The following MAPK8IP2 variants were observed in gnomAD, a reference collection of about 807,000 sequenced individuals.
MAPK8IP2 encodes C-Jun-amino-terminal kinase-interacting protein 2.
Under a neutral mutation model 75.6 loss-of-function variants are expected in MAPK8IP2, and 15 were observed. The ratio of observed to expected loss-of-function variants is 0.20; its 90% CI spans 0.13 to 0.31. MAPK8IP2 has a LOEUF of 0.31. Among genes scored for constraint, MAPK8IP2 ranks in the 10% least tolerant of loss-of-function variants. MAPK8IP2 has a pLI of 1.00. For synonymous variants in MAPK8IP2, 632 were observed against 554.5 expected, an observed-to-expected ratio of 1.14 and a Z score of -1.96; for missense variants, 1,089 against 1,211.2, an observed-to-expected ratio of 0.90 and a Z score of 1.50.
At position 50,605,991 on chromosome 22, in the gene MAPK8IP2, C is replaced by T. The variant is rs1188112605; in HGVS notation, c.2124+57C>T. 8 of 1,358,068 alleles carry T rather than the reference C, an allele frequency of 5.9e-6. No homozygotes were observed. In the Admixed American group the frequency reaches 1.4e-4, roughly 24 times the overall value. The allele number at this position is 1,358,068 out of a possible 1,614,324, so 84.1% of individuals were successfully genotyped here. A position where few individuals can be genotyped will look rare whatever the true frequency, so the allele number is the denominator to read the frequency against. ...AGGGTCCGCTTGGCGGCCACACCAG[C>T]ACTGCAGGCTGGCACAGGGCTTGAG... On this transcript the variant is annotated intron_variant, in intron 8 of 11. Coordinates refer to ENST00000329492, the MANE Select transcript of MAPK8IP2 (RefSeq NM_012324.6).
chr22:50,605,501 C>G (rs556062721), intron 6 of MAPK8IP2, 58 bp downstream of exon 6: 6 of 1,607,584 alleles, frequency 3.7e-6, no homozygotes, highest in Middle Eastern at 1.7e-4. Flanking sequence ...CATCACGGAA[C>G]GCCAGTGGAC....
In MAPK8IP2 at chr22:50,612,858, C is replaced by CCCTG. The variant is rs2071169768; in HGVS notation, c.*2081_*2082insTGCC. ...TTCTCCAAGCCCTGCCCTCCGGCGCCCCCGTCCCGCCCCTGCCCGGCCTGG... is the reference window on the plus strand; with the variant it reads ...TTCTCCAAGCCCTGCCCTCCGGCGCCCCTGCCCGTCCCGCCCCTGCCCGGCCTGG... On this transcript the variant is annotated 3_prime_UTR_variant, in exon 12 of 12. Coordinates refer to ENST00000329492, the MANE Select transcript of MAPK8IP2 (RefSeq NM_012324.6). The CCCTG allele has an allele frequency of 2.0e-5, 3 of 153,464 alleles. No homozygotes were observed. The highest frequency in any genetic ancestry group is 1.9e-4 in the East Asian group (1 of 5,172). The allele number at this position is 153,464 out of a possible 1,614,324, so 9.5% of individuals were successfully genotyped here.
In MAPK8IP2 at chr22:50,610,936, C is replaced by G. The variant is rs1195862122; in HGVS notation, c.*157C>G. The G allele has an allele frequency of 1.9e-5, 12 of 617,150 alleles. No homozygotes were observed. The highest frequency in any genetic ancestry group is 3.3e-5 in the Non-Finnish European group (12 of 358,416). The allele number at this position is 617,150 out of a possible 1,614,324, so 38.2% of individuals were successfully genotyped here. A position where few individuals can be genotyped will look rare whatever the true frequency, so the allele number is the denominator to read the frequency against. Reference sequence around the variant, plus strand: ...CGGGCTGGGAACTCTCGTCCTCGGTCCCCAGGGCGCAGCTGTTGGGGCTGC... The same window carrying G: ...CGGGCTGGGAACTCTCGTCCTCGGTGCCCAGGGCGCAGCTGTTGGGGCTGC... On this transcript the variant is annotated 3_prime_UTR_variant, in exon 12 of 12. Transcript: ENST00000329492. The surrounding 1 kb of genome is among the most constrained non-coding windows in gnomAD (Gnocchi z 4.3).
intron 10 of MAPK8IP2, among the ~76,000 whole-genome samples, chr22:50,608,041 C>G (rs1236658637): frequency 6.6e-6 from 1 of 152,126 alleles, no homozygotes; most frequent in Admixed American, 6.5e-5. Flanking sequence ...TTGGAGGAAG[C>G]AGGCTCACAG....
chr22:50,609,727 G>T (rs748569582), intron 10 of MAPK8IP2: 3 of 512,184 alleles, frequency 5.9e-6, no homozygotes, highest in South Asian at 4.3e-5. Flanking sequence ...GGCCCCGCAA[G>T]GAGCTGCTTT....
At position 50,600,793 on chromosome 22, in the gene MAPK8IP2, G is replaced by A; in HGVS notation, c.-26G>A. The A allele has an allele frequency of 1.7e-6, 2 of 1,200,722 alleles. No homozygotes were observed. The highest frequency in any genetic ancestry group is 2.1e-6 in the Non-Finnish European group (2 of 936,718). 74.4% of individuals were successfully genotyped at this position (1,200,722 alleles called of 1,614,324 possible). ...CGGCGAGGCTCCCGCACCCCCCGCCGCAGTCGCGGGCCTCTCCCGGAGAAG... is the reference window on the plus strand; with the variant it reads ...CGGCGAGGCTCCCGCACCCCCCGCCACAGTCGCGGGCCTCTCCCGGAGAAG... On this transcript the variant is annotated 5_prime_UTR_variant, in exon 1 of 12. Transcript: ENST00000329492.
chr22:50,602,150 G>T (rs781245435), intron 2 of MAPK8IP2, among the ~76,000 whole-genome samples: 14 of 152,164 alleles, frequency 9.2e-5, no homozygotes, highest in Non-Finnish European at 1.6e-4. Context: ...GGGCAGGGAG[G>T]TGCTCCTTTG....
intron 2 of MAPK8IP2, 177 bp from the exon 3 acceptor site, chr22:50,603,046 G>A (rs962033627): frequency 1.5e-6 from 2 of 1,363,612 alleles, no homozygotes; most frequent in Non-Finnish European, 2.0e-6. Context: ...GAACTGGAGT[G>A]ATCCCAATGT....
Position 50,604,965 on chromosome 22 carries a change from G to T in MAPK8IP2, c.1666G>T (p.Gly556Cys), listed in dbSNP as rs1003150499. Residue 556 changes from glycine (G) to cysteine (C), a missense_variant, in exon 5 of 12, where the codon GGC (glycine) becomes TGC (cysteine). This residue lies in a region of MAPK8IP2 where 960 missense variants were observed against 1,009.6 expected (regional missense o/e 0.95). Transcript: ENST00000329492. ...GGAGGCGGGCGCGGCGCTGCTAGGC[G>T]GCGGTCAGGTCTCGGGGGACACCTC... ...EEEAGAALLG[G>C]GQVSGDTSPD... The T allele has an allele frequency of 4.3e-6, 7 of 1,612,084 alleles. No homozygotes were observed. Among genetic ancestry groups the T allele is most frequent in the African/African-American group, 2.7e-5 (2 of 74,920 alleles).
In MAPK8IP2 at chr22:50,604,402, G is replaced by C; in HGVS notation, c.1103G>C (p.Cys368Ser). The change falls in exon 5 of 12, where the codon TGC (cysteine) becomes TCC (serine). Residue 368 changes from cysteine (C) to serine (S), a missense_variant. Cys to Ser is a moderately radical substitution (Grantham distance 112). Around this residue, in one of 2 missense-constraint regions of MAPK8IP2, gnomAD observed 960 missense variants for 1,009.6 expected, o/e 0.95. Coordinates refer to ENST00000329492, the MANE Select transcript of MAPK8IP2 (RefSeq NM_012324.6). ...TCCGAGGGCTCCTCGCCCATCCGCT[G>C]CCCCGGCCAGTGCCTGTCTCCTGCG... Reference protein sequence around the residue: ...MISEGSSPIRCPGQCLSPAPR... With the variant: ...MISEGSSPIRSPGQCLSPAPR... 6.6e-7 allele frequency: 1 copy of C among 1,517,800 alleles called. No homozygotes were observed. The highest frequency in any genetic ancestry group is 8.8e-7 in the Non-Finnish European group (1 of 1,138,754). The allele number at this position is 1,517,800 out of a possible 1,614,324, so 94.0% of individuals were successfully genotyped here.
At chr22:50,603,100 CAG>C in intron 2 of MAPK8IP2, 121 bp from the exon 3 acceptor site, 1 of 1,573,982 alleles carries the variant, frequency 6.4e-7, no homozygotes, top group Non-Finnish European at 8.6e-7. Flanking sequence ...GACAGAGGGG[CAG>C]AGTGAGCTGG....
chr22:50,603,754 C>T lies in MAPK8IP2; in HGVS notation c.541+35C>T, dbSNP rs545454120. On this transcript the variant is annotated intron_variant, in intron 4 of 11. Coordinates refer to ENST00000329492, the MANE Select transcript of MAPK8IP2 (RefSeq NM_012324.6). ...GGTGGGCCCGCGGGGCGCGGGGAAG[C>T]GGGGGAGGAGGGCAGGGAGGATGGA... 9 of 1,538,472 alleles carry T rather than the reference C, an allele frequency of 5.8e-6. No individual in the cohort carries two copies. In the South Asian group the frequency reaches 8.3e-5, roughly 14 times the overall value.
Position 50,604,758 on chromosome 22 carries a change from G to C in MAPK8IP2, c.1459G>C (p.Gly487Arg). ...EEEEDAEDSA[G>R]SPGGRGTGPS... ...AGAGGAGGATGCCGAGGACAGTGCG[G>C]GGTCCCCCGGGGGCAGGGGCACGGG... Residue 487 changes from glycine to arginine, a missense_variant, in exon 5 of 12, where the codon GGG becomes CGG. Coordinates refer to ENST00000329492, the MANE Select transcript of MAPK8IP2 (RefSeq NM_012324.6). The C allele has an allele frequency of 6.5e-7, 1 of 1,543,478 alleles. No individual in the cohort carries two copies. Among genetic ancestry groups the C allele is most frequent in the Non-Finnish European group, 8.7e-7 (1 of 1,145,158 alleles).
chr22:50,602,759 ATC>A (rs767209609), intron 2 of MAPK8IP2, among the ~76,000 whole-genome samples: 4 of 152,206 alleles, frequency 2.6e-5, no homozygotes, highest in Non-Finnish European at 5.9e-5. Flanking sequence ...CCATTTCTGC[ATC>A]TGTTTGATGT....
chr22:50,609,126 G>T (rs980366216), intron 10 of MAPK8IP2, among the ~76,000 whole-genome samples: 1 of 152,162 alleles, frequency 6.6e-6, no homozygotes, highest in African/African-American at 2.4e-5. Context: ...GAGGAGGCAC[G>T]GACGAAACCG....
chr22:50,612,862 G>GGCCCGCCCC lies in MAPK8IP2; in HGVS notation c.*2083_*2084insGCCCGCCCC, dbSNP rs1569070565. The GGCCCGCCCC allele has an allele frequency of 9.5e-6, 1 of 105,044 alleles. No individual in the cohort carries two copies. Among genetic ancestry groups the GGCCCGCCCC allele is most frequent in the Non-Finnish European group, 2.0e-5 (1 of 50,396 alleles). 6.5% of individuals were successfully genotyped at this position (105,044 alleles called of 1,614,324 possible). A position where few individuals can be genotyped will look rare whatever the true frequency, so the allele number is the denominator to read the frequency against. Reference sequence around the variant, plus strand: ...CCAAGCCCTGCCCTCCGGCGCCCCCGTCCCGCCCCTGCCCGGCCTGGCCCC... The same window carrying GGCCCGCCCC: ...CCAAGCCCTGCCCTCCGGCGCCCCCGGCCCGCCCCTCCCGCCCCTGCCCGGCCTGGCCCC... On this transcript the variant is annotated 3_prime_UTR_variant, in exon 12 of 12. Transcript: ENST00000329492.
intron 1 of MAPK8IP2, chr22:50,601,441 T>C: frequency 3.9e-6 from 1 of 253,546 alleles, no homozygotes; most frequent in Non-Finnish European, 8.0e-6. Flanking sequence ...CCTCCCCATC[T>C]GCCGCTGCCG....
intron 8 of MAPK8IP2, 71 bp from the exon 9 acceptor site, chr22:50,606,587 G>A: frequency 2.9e-6 from 3 of 1,049,470 alleles, no homozygotes; most frequent in Non-Finnish European, 4.4e-6. Flanking sequence ...CAGAGGCGTA[G>A]TCCCACCAAG....
At position 50,606,999 on chromosome 22, in the gene MAPK8IP2, T is replaced by A; in HGVS notation, c.2303+8T>A. The A allele has an allele frequency of 2.5e-6, 4 of 1,612,342 alleles. No individual in the cohort carries two copies. Among genetic ancestry groups the A allele is most frequent in the Non-Finnish European group, 3.4e-6 (4 of 1,178,880 alleles). On this transcript the variant is annotated splice_region_variant and intron_variant, in intron 10 of 11. Coordinates refer to ENST00000329492, the MANE Select transcript of MAPK8IP2 (RefSeq NM_012324.6). ...CCATCCCCGCAACAGCTGGTGAGAG[T>A]CTGACCGTCCCCGAGTCCCCCAACC...
Sources: allele counts gnomAD v4.1 joint callset (sites outside exome capture counted in the v4.1 genomes callset), GRCh38; gene constraint gnomAD v4.1.1; regional missense constraint gnomAD v4.1.1; non-coding constraint Gnocchi (gnomAD v3.1); transcripts MANE v1.5; gene names NCBI Gene and HGNC (gene_info 2026-07-23, HGNC 2026-07-21).